WASF1: variants seen among roughly 807,000 people sequenced by gnomAD.
WASF1 encodes actin-binding protein WASF1.
A neutral mutation model predicts 50.5 loss-of-function variants in WASF1; 7 were observed. The observed-to-expected ratio is 0.14, with a 90% CI of 0.08 to 0.26. WASF1 has a LOEUF of 0.26. Ranked by LOEUF, WASF1 falls within the 10% of genes least tolerant of loss-of-function variation. The probability of loss-of-function intolerance (pLI) is 1.00; values close to 1 mark genes in which losing one functional copy is unlikely to be tolerated. For synonymous variants in WASF1, 205 were observed against 244.0 expected (o/e 0.84, Z 1.49); for missense variants, 470 against 694.7 (o/e 0.68, Z 3.64).
chr6:110,160,543 T>C (rs1286209175), intron 3 of WASF1, 92 bp downstream of exon 3: 1 of 151,754 alleles, frequency 6.6e-6, no homozygotes, highest in Non-Finnish European at 1.5e-5. Context: ...CTTTTATTAG[T>C]ATATAACTTT....
Position 110,108,645 on chromosome 6 carries a change from C to T in WASF1, c.305G>A (p.Arg102Gln), listed in dbSNP as rs1773429443. 1 of 1,613,910 alleles carries T rather than the reference C, an allele frequency of 6.2e-7. No individual in the cohort carries two copies. Among genetic ancestry groups the T allele is most frequent in the Non-Finnish European group, 8.5e-7 (1 of 1,179,938 alleles). The change falls in exon 6 of 11, where the codon CGA (arginine) becomes CAA (glutamine). Residue 102 changes from arginine to glutamine, a missense_variant. This residue lies in a region of WASF1 where 140 missense variants were observed against 260.5 expected (regional missense o/e 0.54). Transcript: ENST00000392589. ...LQDITMRKAF[R>Q]SSTIQDQQLF... ...CTGCTGGTCTTGAATTGTAGAACTT[C>T]GGAAAGCTTTCCTCATTGTTATATC... is the stretch of plus-strand genomic sequence containing the variant.
At chr6:110,113,124 T>C (rs1313756586) in intron 5 of WASF1, among the ~76,000 whole-genome samples, 1 of 151,976 alleles carries the variant, frequency 6.6e-6, no homozygotes, top group Non-Finnish European at 1.5e-5. Context: ...AAAGAAGAGA[T>C]TTAAAACAGA....
chr6:110,108,520 CT>C lies in WASF1; in HGVS notation c.422+7del. ...AATAATAGGGCTACTATTTATTAACCTACCTACCTATAAGGAGTGAGTATAT... is the reference window on the plus strand; with the variant it reads ...AATAATAGGGCTACTATTTATTAACCACCTACCTATAAGGAGTGAGTATAT... On this transcript the variant is annotated splice_region_variant and intron_variant, in intron 6 of 10. Coordinates refer to ENST00000392589, the MANE Select transcript of WASF1 (RefSeq NM_003931.3). The C allele has an allele frequency of 6.2e-7, 1 of 1,600,174 alleles. No homozygotes were observed. The highest frequency in any genetic ancestry group is 8.5e-7 in the Non-Finnish European group (1 of 1,172,542).
At chr6:110,164,997 C>T (rs1039478518) in intron 2 of WASF1, among the ~76,000 whole-genome samples, 1 of 151,452 alleles carries the variant, frequency 6.6e-6, no homozygotes, top group African/African-American at 2.4e-5. Context: ...AAAGGCAAAA[C>T]TATAAAGGGT....
intron 10 of WASF1, 148 bp downstream of exon 10, chr6:110,101,440 T>G: frequency 2.2e-6 from 2 of 903,262 alleles, no homozygotes; most frequent in Non-Finnish European, 3.2e-6. Flanking sequence ...TAAATATAAG[T>G]TGGATATAGC....
At chr6:110,135,721 C>CTTTTTTT (rs139834112) in intron 3 of WASF1, among the ~76,000 whole-genome samples, 1 of 73,516 alleles carries the variant, frequency 1.4e-5, no homozygotes, top group Non-Finnish European at 2.6e-5. Flanking sequence ...GGAAGATTAT[C>CTTTTTTT]TTTTTTTTTT....
chr6:110,153,099 T>G (rs1775896336), intron 3 of WASF1, among the ~76,000 whole-genome samples: 1 of 152,222 alleles, frequency 6.6e-6, no homozygotes, highest in Non-Finnish European at 1.5e-5. Context: ...CGGTTTTGAT[T>G]ATTGTAAATA....
At chr6:110,150,810 C>T (rs1405846182) in intron 3 of WASF1, among the ~76,000 whole-genome samples, 1 of 151,908 alleles carries the variant, frequency 6.6e-6, no homozygotes, top group Non-Finnish European at 1.5e-5. Context: ...CTGAGGCGGG[C>T]AGATCACCTT....
At chr6:110,174,315 C>A (rs1023139479) in intron 2 of WASF1, among the ~76,000 whole-genome samples, 3 of 152,092 alleles carry the variant, frequency 2.0e-5, no homozygotes, top group African/African-American at 7.2e-5. Context: ...TGTTCAACAC[C>A]TGTTTTTTAC....
intron 2 of WASF1, among the ~76,000 whole-genome samples, chr6:110,173,455 T>C (rs954583992): frequency 6.6e-6 from 1 of 152,144 alleles, no homozygotes; most frequent in Non-Finnish European, 1.5e-5. Flanking sequence ...AGGAAAAAAA[T>C]GGGACTTTGA....
At chr6:110,154,628 A>T (rs1444585368) in intron 3 of WASF1, among the ~76,000 whole-genome samples, 1 of 152,094 alleles carries the variant, frequency 6.6e-6, no homozygotes, top group Non-Finnish European at 1.5e-5. Context: ...GATTATGAAG[A>T]TTATACACTT....
At position 110,143,849 on chromosome 6, in the gene WASF1, A is replaced by T. The variant is rs377686098; in HGVS notation, c.-28-16220T>A. Among the ~76,000 whole-genome samples the T allele has an allele frequency of 3.9e-5, 6 of 152,314 alleles. No individual in the cohort carries two copies. In the East Asian group the frequency reaches 9.6e-4, roughly 24 times the overall value. On this transcript the variant is annotated intron_variant, in intron 3 of 10. Transcript: ENST00000392589. The stretch of plus-strand genomic sequence containing the variant: ...TAACTAAAAAATTATATGTCATAGA[A>T]ATATAATTTTCATTGTTGGACATTT...
At chr6:110,104,064 G>A (rs1004027089) in intron 8 of WASF1, among the ~76,000 whole-genome samples, 1 of 152,076 alleles carries the variant, frequency 6.6e-6, no homozygotes, top group Admixed American at 6.6e-5. Context: ...CAGCACAGAG[G>A]TGGCTAGCTA....
At chr6:110,166,327 T>G (rs1487311094) in intron 2 of WASF1, among the ~76,000 whole-genome samples, 1 of 151,724 alleles carries the variant, frequency 6.6e-6, no homozygotes, top group African/African-American at 2.4e-5. Context: ...CTGAAAAGAT[T>G]TTAAATGTTT....
intron 3 of WASF1, among the ~76,000 whole-genome samples, chr6:110,134,875 AT>A (rs1453125800): frequency 4.6e-5 from 7 of 151,830 alleles, no homozygotes; most frequent in African/African-American, 1.7e-4. Flanking sequence ...TTCCATATGA[AT>A]TTTGGGAGTT....
At chr6:110,144,234 T>C (rs1341732802) in intron 3 of WASF1, among the ~76,000 whole-genome samples, 1 of 152,250 alleles carries the variant, frequency 6.6e-6, no homozygotes, top group Non-Finnish European at 1.5e-5. Flanking sequence ...CTTTTTTTCA[T>C]ATATTTCTTG....
rs1777112300 is a variant in WASF1, at chr6:110,179,516, A to T, written c.-349T>A. The T allele has an allele frequency of 6.6e-6, 1 of 150,956 alleles. No homozygotes were observed. Among genetic ancestry groups the T allele is most frequent in the East Asian group, 2.0e-4 (1 of 4,982 alleles). The allele number at this position is 150,956 out of a possible 1,614,324, so 9.4% of individuals were successfully genotyped here. ...TCGCCGGTCCCCCTCGGCTCGCGGG[A>T]CTCCGCCTAGAGCCCCCAGGAGGGT... is the stretch of plus-strand genomic sequence containing the variant. On this transcript the variant is annotated 5_prime_UTR_variant, in exon 1 of 11. Coordinates refer to ENST00000392589, the MANE Select transcript of WASF1 (RefSeq NM_003931.3).
chr6:110,127,458 T>G lies in WASF1; in HGVS notation c.133+11A>C. ...GGTTTGTGAGTATATTTTTAATTGATATATACTTACTTAGGCTACTTAGTT... is the reference window on the plus strand; with the variant it reads ...GGTTTGTGAGTATATTTTTAATTGAGATATACTTACTTAGGCTACTTAGTT... On this transcript the variant is annotated intron_variant, in intron 4 of 10. Transcript: ENST00000392589. 6.3e-7 allele frequency: 1 copy of G among 1,579,122 alleles called. No individual in the cohort carries two copies. Among genetic ancestry groups the G allele is most frequent in the Non-Finnish European group, 8.6e-7 (1 of 1,163,418 alleles).
At chr6:110,160,368 A>G (rs1407571636) in intron 3 of WASF1, among the ~76,000 whole-genome samples, 1 of 151,790 alleles carries the variant, frequency 6.6e-6, no homozygotes, top group African/African-American at 2.4e-5. Context: ...GAGAAGAAAA[A>G]TCATTAGATA....
Sources: gnomAD v4.1 joint callset for allele counts (sites outside exome capture counted in the v4.1 genomes callset) on GRCh38, gnomAD v4.1.1 for gene constraint, gnomAD v4.1.1 regional missense constraint, MANE v1.5 for transcripts, NCBI Gene and HGNC (gene_info 2026-07-23, HGNC 2026-07-21) for gene names.